Variants in DPAGT1 observed in about 807,000 individuals in gnomAD.
DPAGT1 encodes the protein dolichyl-phosphate N-acetylglucosaminephosphotransferase 1.
A neutral mutation model predicts 39.3 loss-of-function variants in DPAGT1; 25 were observed. The ratio of observed to expected loss-of-function variants is 0.64; its 90% CI spans 0.46 to 0.89. DPAGT1 has a LOEUF of 0.89. DPAGT1 is among the 40% of genes least tolerant of loss of function. The pLI, the probability that DPAGT1 is intolerant of heterozygous loss-of-function variation, is 0.00. For synonymous variants in DPAGT1, 193 were observed against 201.4 expected, an observed-to-expected ratio of 0.96 and a Z score of 0.36; for missense variants, 381 against 500.6, an observed-to-expected ratio of 0.76 and a Z score of 2.28.
At chr11:119,095,436 A>T (rs1288405784), downstream of DPAGT1, 1 of 1,459,468 alleles carries the variant, frequency 6.9e-7, no homozygotes, top group Non-Finnish European at 9.0e-7. Context: ...CTCAAACACT[A>T]GAACAGACGC....
chr11:119,100,498 G>A, intron 3 of DPAGT1, 90 bp from the exon 4 acceptor site: 4 of 1,603,170 alleles, frequency 2.5e-6, no homozygotes, highest in Non-Finnish European at 3.4e-6. Context: ...ACGGACGATA[G>A]GATGAAGGGC....
At chr11:119,098,899 C>T (rs899159515) in intron 4 of DPAGT1, among the ~76,000 whole-genome samples, 2 of 152,174 alleles carry the variant, frequency 1.3e-5, no homozygotes, top group African/African-American at 4.8e-5. Flanking sequence ...CTTTAATAAA[C>T]ACTTGTTGAT....
At chr11:119,094,412 G>C (rs1307363144), downstream of DPAGT1, 1 of 152,114 alleles carries the variant, frequency 6.6e-6, no homozygotes, top group Non-Finnish European at 1.5e-5. Flanking sequence ...GCACCACGCC[G>C]GGGGGGTACC....
At chr11:119,101,263 A>AG in intron 1 of DPAGT1, 125 bp from the exon 2 acceptor site, 2 of 1,412,688 alleles carry the variant, frequency 1.4e-6, no homozygotes, top group Non-Finnish European at 9.8e-7. Flanking sequence ...GTAAGTGGTG[A>AG]GGGGGGCGGA....
In DPAGT1 at chr11:119,101,635, C is replaced by G. The variant is rs1946512147; in HGVS notation, c.21G>C (p.Leu7Phe). The change falls in exon 1 of 9, where the codon TTG becomes TTC. Residue 7 changes from leucine to phenylalanine, a missense_variant. By Grantham distance (22) the Leu-to-Phe change is conservative. Transcript: ENST00000354202. The stretch of plus-strand genomic sequence containing the variant: ...TCAAATTGATCAGCAGCGGCATGGG[C>G]AATTCCGAGAAGGCCCACATGGTGA... MWAFSE[L>F]PMPLLINLIV... is the part of the protein sequence containing the mutation. The G allele has an allele frequency of 6.2e-7, 1 of 1,614,264 alleles. No homozygotes were observed. The highest frequency in any genetic ancestry group is 8.5e-7 in the Non-Finnish European group (1 of 1,180,046).
chr11:119,095,444 C>T (rs375263112), downstream of DPAGT1: 2 of 1,451,366 alleles, frequency 1.4e-6, no homozygotes. Flanking sequence ...CTAGAACAGA[C>T]GCCCGCCGCA....
Position 119,097,320 on chromosome 11 carries a change from G to A in DPAGT1, c.1006-23C>T, listed in dbSNP as rs1167150619. ...CACCTGGAGGGACCAGAGGTGAAGAGAACCTCAGCTAATACCTATGCTTTA... is the reference window on the plus strand; with the variant it reads ...CACCTGGAGGGACCAGAGGTGAAGAAAACCTCAGCTAATACCTATGCTTTA... On this transcript the variant is annotated intron_variant, in intron 7 of 8. Coordinates refer to ENST00000354202, the MANE Select transcript of DPAGT1 (RefSeq NM_001382.4). The surrounding 1 kb of genome is among the most constrained non-coding windows in gnomAD (Gnocchi z 4.6). The A allele has an allele frequency of 6.2e-7, 1 of 1,614,002 alleles. No individual in the cohort carries two copies. The highest frequency in any genetic ancestry group is 2.2e-5 in the East Asian group (1 of 44,888).
At chr11:119,100,865 C>T (rs768704656) in intron 2 of DPAGT1, 22 bp from the exon 3 acceptor site, 3 of 1,614,052 alleles carry the variant, frequency 1.9e-6, no homozygotes, top group Non-Finnish European at 1.7e-6. Context: ...TCGGGCAGGT[C>T]CATGACTCAA....
Position 119,100,840 on chromosome 11 carries a change from C to G in DPAGT1, c.286G>C (p.Val96Leu). The G allele has an allele frequency of 6.2e-7, 1 of 1,614,196 alleles. No homozygotes were observed. Among genetic ancestry groups the G allele is most frequent in the Non-Finnish European group, 8.5e-7 (1 of 1,180,032 alleles). ...GCAAGGAGGGCACCTATCAGGGCCA[C>G]AAACTGGGGGAGGCTCGGGCAGGTC... ...QCKAFPHHEFVALIGALLAIC... is the reference protein window; with the variant it reads ...QCKAFPHHEFLALIGALLAIC... The change falls in exon 3 of 9, where the codon GTG becomes CTG. Residue 96 changes from valine (V) to leucine (L), a missense_variant. Coordinates refer to ENST00000354202, the MANE Select transcript of DPAGT1 (RefSeq NM_001382.4).
At position 119,097,601 on chromosome 11, in the gene DPAGT1, C is replaced by T; in HGVS notation, c.918-50G>A. The T allele has an allele frequency of 1.3e-6, 2 of 1,595,342 alleles. No homozygotes were observed. The highest frequency in any genetic ancestry group is 1.1e-5 in the South Asian group (1 of 90,670). On this transcript the variant is annotated intron_variant, in intron 6 of 8. Coordinates refer to ENST00000354202, the MANE Select transcript of DPAGT1 (RefSeq NM_001382.4). This position sits in a 1 kb window ranked among gnomAD's most constrained non-coding sequence, Gnocchi z 4.6. ...TGACTGGGCCACTATTTGAACCCTCCTCCCTGTGGCTAATAGGAAGAGCAT... is the reference window on the plus strand; with the variant it reads ...TGACTGGGCCACTATTTGAACCCTCTTCCCTGTGGCTAATAGGAAGAGCAT...
At chr11:119,094,125 ACT>A (rs1946352311), downstream of DPAGT1, 1 of 152,292 alleles carries the variant, frequency 6.6e-6, no homozygotes, top group Non-Finnish European at 1.5e-5. Context: ...CGCGAAAACG[ACT>A]CTTGCTGTCC....
At position 119,101,081 on chromosome 11, in the gene DPAGT1, G is replaced by A; in HGVS notation, c.219C>T (p.Phe73=). The change falls in exon 2 of 9, where the codon TTC becomes TTT. Residue 73 remains phenylalanine (F), a synonymous_variant. Coordinates refer to ENST00000354202, the MANE Select transcript of DPAGT1 (RefSeq NM_001382.4). ...GAVFLIILFC[F]IPFPFLNCFV... ...AGCAGTTCAGGAAGGGGAAAGGGAT[G>A]AAGCAGAAGAGGATGATAAGGAAAA... is the stretch of plus-strand genomic sequence containing the variant. The A allele has an allele frequency of 6.2e-7, 1 of 1,614,204 alleles. No individual in the cohort carries two copies. Among genetic ancestry groups the A allele is most frequent in the Non-Finnish European group, 8.5e-7 (1 of 1,180,042 alleles).
rs745999512 is a variant in DPAGT1 at position 119,097,869 on chromosome 11, G to C, written c.903C>G (p.Arg301=). ...PQLLHIIPCP[R]HRIPRLNIKT... is the part of the protein sequence containing the mutation. ...AAAGCGGCTACCTGGGTATGCGGTG[G>C]CGAGGGCAGGGGATGATATGCAGGA... The change falls in exon 6 of 9, where the codon CGC becomes CGG. Residue 301 remains arginine, a synonymous_variant. Transcript: ENST00000354202. The surrounding 1 kb of genome is among the most constrained non-coding windows in gnomAD (Gnocchi z 4.6). The C allele has an allele frequency of 1.3e-5, 21 of 1,614,092 alleles. No homozygotes were observed. The highest frequency in any genetic ancestry group is 5.9e-6 in the Non-Finnish European group (7 of 1,179,974).
At chr11:119,098,377 G>A (rs200800973) in intron 5 of DPAGT1, 26 bp downstream of exon 5, 22 of 1,606,784 alleles carry the variant, frequency 1.4e-5, no homozygotes, top group Middle Eastern at 1.6e-4. Flanking sequence ...TCAGGTAGTT[G>A]TCCCCTTATC....
At chr11:119,094,695 A>G, downstream of DPAGT1, 1 of 324,258 alleles carries the variant, frequency 3.1e-6, no homozygotes, top group Non-Finnish European at 5.6e-6. Context: ...CGCATCCGGA[A>G]GGCCCGAACC....
At chr11:119,095,445 G>A (rs772898384), downstream of DPAGT1, 79 of 1,449,968 alleles carry the variant, frequency 5.4e-5, 1 homozygote, top group South Asian at 5.0e-4. Context: ...TAGAACAGAC[G>A]CCCGCCGCAG....
Position 119,097,533 on chromosome 11 carries a change from G to C in DPAGT1, c.936C>G (p.Gly312=). 6.2e-7 allele frequency: 1 copy of C among 1,614,178 alleles called. No homozygotes were observed. Among genetic ancestry groups the C allele is most frequent in the South Asian group, 1.1e-5 (1 of 91,082 alleles). The change falls in exon 7 of 9, where the codon GGC becomes GGG. Residue 312 remains glycine (G), a synonymous_variant. Coordinates refer to ENST00000354202, the MANE Select transcript of DPAGT1 (RefSeq NM_001382.4). This position sits in a 1 kb window ranked among gnomAD's most constrained non-coding sequence, Gnocchi z 4.6. ...HRIPRLNIKT[G]KLEMSYSKFK... Reference sequence around the variant, plus strand: ...ACTTGGAATAGCTCATCTCCAGTTTGCCTGTCTTGATATTGAGTCTGCGGG... The same window carrying C: ...ACTTGGAATAGCTCATCTCCAGTTTCCCTGTCTTGATATTGAGTCTGCGGG...
At position 119,096,636 on chromosome 11, in the gene DPAGT1, G is replaced by A. The variant is rs529508262; in HGVS notation, c.*362C>T. On this transcript the variant is annotated 3_prime_UTR_variant, in exon 9 of 9. Coordinates refer to ENST00000354202, the MANE Select transcript of DPAGT1 (RefSeq NM_001382.4). ...CCGTGGAGCCTGTGTTCCTAGCCCT[G>A]GCCCAAGTTCTATCCCAAAAACCAG... 4.5e-5 allele frequency: 18 copies of A among 397,274 alleles called. No homozygotes were observed. The highest frequency in any genetic ancestry group is 3.7e-4 in the African/African-American group (18 of 49,258). The allele number at this position is 397,274 out of a possible 1,614,324, so 24.6% of individuals were successfully genotyped here. A position where few individuals can be genotyped will look rare whatever the true frequency, so the allele number is the denominator to read the frequency against.
rs754316529 is a variant in DPAGT1 at position 119,097,951 on chromosome 11, G to C, written c.821C>G (p.Thr274Ser). ...CTGGGGCATGAAGAATAGTAGCATG[G>C]TCTTGCTGAAGTGTCCCAAGATGCC... ...VVGILGHFSK[T>S]MLLFFMPQVF... The change falls in exon 6 of 9, where the codon ACC (threonine) becomes AGC (serine). Residue 274 changes from threonine to serine, a missense_variant. By Grantham distance (58) the Thr-to-Ser change is moderately conservative (BLOSUM62 1). Transcript: ENST00000354202. This position sits in a 1 kb window ranked among gnomAD's most constrained non-coding sequence, Gnocchi z 4.6. 3 of 1,614,214 alleles carry C rather than the reference G, an allele frequency of 1.9e-6. No homozygotes were observed. Among genetic ancestry groups the C allele is most frequent in the Non-Finnish European group, 2.5e-6 (3 of 1,180,034 alleles).
Sources: allele counts gnomAD v4.1 joint callset (sites outside exome capture counted in the v4.1 genomes callset), GRCh38; gene constraint gnomAD v4.1.1; non-coding constraint Gnocchi (gnomAD v3.1); transcripts MANE v1.5; gene names NCBI Gene and HGNC (gene_info 2026-07-23, HGNC 2026-07-21).